Variants in DOCK2 observed in about 807,000 individuals in gnomAD.
The protein encoded by DOCK2 is dedicator of cytokinesis 2.
Under a neutral mutation model 248.9 loss-of-function variants are expected in DOCK2, and 87 were observed. The ratio of observed to expected loss-of-function variants is 0.35; its 90% CI spans 0.29 to 0.42. DOCK2 has a LOEUF of 0.42. Ranked by LOEUF, DOCK2 falls within the 10% of genes least tolerant of loss-of-function variation. The pLI is 1.00. For missense variants in DOCK2, 1,747 were observed against 2,300.2 expected, an observed-to-expected ratio of 0.76 and a Z score of 4.92; for synonymous variants, 805 against 821.6, an observed-to-expected ratio of 0.98 and a Z score of 0.35.
chr5:169,844,505 C>A (rs1016637111), intron 27 of DOCK2, among the ~76,000 whole-genome samples: 2 of 152,216 alleles, frequency 1.3e-5, no homozygotes, highest in Non-Finnish European at 2.9e-5. Flanking sequence ...TAAAGACAAG[C>A]AGCGGACATG....
At chr5:170,065,445 C>A (rs1056391295) in intron 44 of DOCK2, among the ~76,000 whole-genome samples, 1 of 151,858 alleles carries the variant, frequency 6.6e-6, no homozygotes, top group Non-Finnish European at 1.5e-5. Flanking sequence ...ATTCAACAAT[C>A]AAAAGGAATA....
chr5:169,848,380 C>T (rs967371541), intron 27 of DOCK2, among the ~76,000 whole-genome samples: 10 of 152,206 alleles, frequency 6.6e-5, no homozygotes, highest in Non-Finnish European at 1.5e-4. Context: ...GTCATCTGTG[C>T]TCCCTTCCAG....
At chr5:169,760,135 T>G (rs1374162926) in intron 24 of DOCK2, among the ~76,000 whole-genome samples, 2 of 152,192 alleles carry the variant, frequency 1.3e-5, no homozygotes, top group Non-Finnish European at 2.9e-5. Context: ...GAGAACAGCC[T>G]AAGCATACCT....
intron 25 of DOCK2, among the ~76,000 whole-genome samples, chr5:169,792,451 A>ATGTGTGTGTG (rs56969878): frequency 0.12 from 18,436 of 149,222 alleles, 1,274 homozygotes; most frequent in South Asian, 0.16. Flanking sequence ...TATTTTATAT[A>ATGTGTGTGTG]TGTGTGTGTG....
intron 27 of DOCK2, among the ~76,000 whole-genome samples, chr5:169,899,701 C>A (rs964321633): frequency 1.3e-5 from 2 of 152,188 alleles, no homozygotes; most frequent in African/African-American, 4.8e-5. Context: ...GTATTGCCAT[C>A]CAAAGTGAGA....
In DOCK2 at chr5:170,046,003, G is replaced by A. The variant is rs538873279; in HGVS notation, c.3966+98G>A. 36 of 1,133,376 alleles carry A rather than the reference G, an allele frequency of 3.2e-5. No homozygotes were observed. The East Asian group carries it at 3.8e-4, about 12-fold the overall frequency. 70.2% of individuals were successfully genotyped at this position (1,133,376 alleles called of 1,614,324 possible). On this transcript the variant is annotated intron_variant, in intron 39 of 51. Transcript: ENST00000520908. ...GGGGAGATGGGCATGAGGGCCAGGCGGGGTTAGGGAAATAGAAAATGAACG... is the reference window on the plus strand; with the variant it reads ...GGGGAGATGGGCATGAGGGCCAGGCAGGGTTAGGGAAATAGAAAATGAACG...
intron 26 of DOCK2, among the ~76,000 whole-genome samples, chr5:169,830,986 G>A (rs261632): frequency 0.46 from 70,574 of 151,960 alleles, 17,278 homozygotes; most frequent in African/African-American, 0.62. Flanking sequence ...TCAGTCCCCT[G>A]TGGACATGAT....
At chr5:169,700,712 T>C (rs952293480) in intron 13 of DOCK2, among the ~76,000 whole-genome samples, 4 of 152,154 alleles carry the variant, frequency 2.6e-5, no homozygotes, top group Admixed American at 2.6e-4. Flanking sequence ...ACAAAAATTA[T>C]AGGAGGGCAT....
At chr5:170,065,911 A>T (rs1167256010) in intron 44 of DOCK2, among the ~76,000 whole-genome samples, 1 of 152,104 alleles carries the variant, frequency 6.6e-6, no homozygotes, top group African/African-American at 2.4e-5. Context: ...CATAGACTGA[A>T]AGTGAAGGGA....
intron 10 of DOCK2, among the ~76,000 whole-genome samples, chr5:169,698,161 G>T (rs1760741923): frequency 6.6e-6 from 1 of 152,164 alleles, no homozygotes; most frequent in Non-Finnish European, 1.5e-5. Flanking sequence ...TGACCTCCCA[G>T]TCTGCTTTGC....
At chr5:169,868,635 G>C (rs971140135) in intron 27 of DOCK2, among the ~76,000 whole-genome samples, 2 of 152,182 alleles carry the variant, frequency 1.3e-5, no homozygotes, top group African/African-American at 4.8e-5. Flanking sequence ...GTGTGCAACT[G>C]TGATCCCAGC....
chr5:169,937,808 G>A (rs1190430205), intron 27 of DOCK2, among the ~76,000 whole-genome samples: 1 of 152,172 alleles, frequency 6.6e-6, no homozygotes, highest in Non-Finnish European at 1.5e-5. Context: ...TAGACCTAAA[G>A]GCATGGATCA....
At chr5:169,890,629 A>G (rs938339795) in intron 27 of DOCK2, among the ~76,000 whole-genome samples, 3 of 152,210 alleles carry the variant, frequency 2.0e-5, no homozygotes, top group Non-Finnish European at 4.4e-5. Context: ...CAAAGAAACA[A>G]AGGGAATTGA....
intron 15 of DOCK2, among the ~76,000 whole-genome samples, chr5:169,711,449 C>A (rs188606390): frequency 6.6e-6 from 1 of 152,162 alleles, no homozygotes; most frequent in East Asian, 1.9e-4. Context: ...TGAGATGAGC[C>A]CTAGGATTTT....
chr5:170,065,793 A>T (rs1023127263), intron 44 of DOCK2, among the ~76,000 whole-genome samples: 1 of 152,172 alleles, frequency 6.6e-6, no homozygotes, highest in Non-Finnish European at 1.5e-5. Context: ...CCCTCCTACA[A>T]CATGTGAGAA....
intron 50 of DOCK2, 45 bp from the exon 51 acceptor site, chr5:170,081,797 C>G: frequency 1.3e-6 from 2 of 1,561,508 alleles, no homozygotes; most frequent in Non-Finnish European, 8.7e-7. Flanking sequence ...GGCACTGCCC[C>G]TCCTCTACCC....
At chr5:169,653,084 G>A (rs912994938) in intron 1 of DOCK2, among the ~76,000 whole-genome samples, 1 of 152,182 alleles carries the variant, frequency 6.6e-6, no homozygotes, top group Admixed American at 6.5e-5. Context: ...CTGAGTTTCT[G>A]TATCTGAAAT....
intron 10 of DOCK2, among the ~76,000 whole-genome samples, chr5:169,697,532 T>C (rs1039725274): frequency 2.6e-5 from 4 of 152,162 alleles, no homozygotes; most frequent in African/African-American, 7.2e-5. Flanking sequence ...ATGAATAACT[T>C]TGGAGCCAAA....
chr5:169,706,904 C>T (rs778821810), intron 14 of DOCK2, among the ~76,000 whole-genome samples: 11 of 152,272 alleles, frequency 7.2e-5, no homozygotes, highest in South Asian at 6.2e-4. Context: ...CCAGGGCTCA[C>T]GGAGTGCCTG....
Sources: gnomAD v4.1 joint callset for allele counts (sites outside exome capture counted in the v4.1 genomes callset) on GRCh38, gnomAD v4.1.1 for gene constraint, MANE v1.5 for transcripts, NCBI Gene and HGNC (gene_info 2026-07-23, HGNC 2026-07-21) for gene names.